UBP1: variants seen among roughly 807,000 people sequenced by gnomAD.
UBP1 encodes the protein upstream-binding protein 1.
In UBP1, 22 loss-of-function variants were observed where a neutral mutation model predicts 76.1. The ratio of observed to expected loss-of-function variants is 0.29; its 90% CI spans 0.21 to 0.41. The LOEUF is 0.41. Among genes scored for constraint, UBP1 ranks in the 10% least tolerant of loss-of-function variants. The pLI is 1.00. For missense variants in UBP1, 436 were observed against 668.1 expected, an observed-to-expected ratio of 0.65 and a Z score of 3.83; for synonymous variants, 224 against 237.1, an observed-to-expected ratio of 0.94 and a Z score of 0.51.
chr3:33,398,991 G>A (rs941926493), intron 11 of UBP1, among the ~76,000 whole-genome samples: 2 of 152,200 alleles, frequency 1.3e-5, no homozygotes, highest in Admixed American at 6.5e-5. Context: ...AGAAGTACAC[G>A]GGGAATAACT....
chr3:33,428,677 TAGAA>T (rs1196275565), intron 1 of UBP1, among the ~76,000 whole-genome samples: 1 of 152,094 alleles, frequency 6.6e-6, no homozygotes, highest in African/African-American at 2.4e-5. Context: ...TTTACTTAAT[TAGAA>T]AGAAAATGCC....
chr3:33,416,701 C>A (rs2044737598), intron 3 of UBP1, 57 bp downstream of exon 3: 2 of 1,331,414 alleles, frequency 1.5e-6, no homozygotes, highest in African/African-American at 1.5e-5. Flanking sequence ...TTTTTTTAAA[C>A]AAAAACTCAT....
chr3:33,410,438 G>A (rs1480481397), intron 5 of UBP1, among the ~76,000 whole-genome samples: 2 of 152,192 alleles, frequency 1.3e-5, no homozygotes, highest in African/African-American at 4.8e-5. Flanking sequence ...CCAACAGTAT[G>A]AGTTTACATC....
intron 1 of UBP1, 130 bp downstream of exon 1, chr3:33,439,606 G>T: frequency 1.0e-6 from 1 of 972,914 alleles, no homozygotes; most frequent in Non-Finnish European, 1.5e-6. Context: ...CCGCCACGCG[G>T]CAGGACTCCG....
chr3:33,411,785 G>A (rs1483627051), intron 4 of UBP1, 98 bp from the exon 5 acceptor site: 1 of 943,376 alleles, frequency 1.1e-6, no homozygotes, highest in Non-Finnish European at 1.7e-6. Context: ...AACTGTAACT[G>A]CTTTGAACTC....
In UBP1 at chr3:33,422,911, A is replaced by T. The variant is rs916087907; in HGVS notation, c.265+2679T>A. Among the ~76,000 whole-genome samples, 11 of 152,226 alleles carry T rather than the reference A, an allele frequency of 7.2e-5. 1 individual carries two copies. The highest frequency in any genetic ancestry group is 5.2e-4 in the Admixed American group (8 of 15,278). On this transcript the variant is annotated intron_variant, in intron 2 of 15. Coordinates refer to ENST00000283629, the MANE Select transcript of UBP1 (RefSeq NM_014517.5). ...CTTTTTGTCAAGATGATAAATGCTA[A>T]GATACAGTCTGTGCAAAGCACAACA...
In UBP1 at chr3:33,390,385, G is replaced by C. The variant is rs374522223; in HGVS notation, c.1586-17C>G. On this transcript the variant is annotated splice_polypyrimidine_tract_variant and intron_variant, in intron 15 of 15. Coordinates refer to ENST00000283629, the MANE Select transcript of UBP1 (RefSeq NM_014517.5). ...TACTTTCAGCTGCAGAAAAAGGAAA[G>C]ACAGTATTTCTTCAGTCAGGCTTAG... 1.2e-6 allele frequency: 2 copies of C among 1,614,016 alleles called. No individual in the cohort carries two copies. The highest frequency in any genetic ancestry group is 1.7e-5 in the Admixed American group (1 of 60,002).
rs564584389 is a variant in UBP1, at chr3:33,440,039, T to C, written c.-191A>G. The C allele has an allele frequency of 6.6e-5, 34 of 518,920 alleles. No individual in the cohort carries two copies. The highest frequency in any genetic ancestry group is 4.2e-4 in the East Asian group (12 of 28,308). 32.1% of individuals were successfully genotyped at this position (518,920 alleles called of 1,614,324 possible). ...AGGGCACGACGAGCCCAGCGAGCAA[T>C]TGCAGCGGGAGCGGCCGGGCCGCCG... On this transcript the variant is annotated 5_prime_UTR_variant, in exon 1 of 16. Transcript: ENST00000283629.
At chr3:33,423,217 TC>T (rs2044947557) in intron 2 of UBP1, among the ~76,000 whole-genome samples, 1 of 152,060 alleles carries the variant, frequency 6.6e-6, no homozygotes, top group Admixed American at 6.6e-5. Context: ...TTTTTGTATT[TC>T]TAGTAGAGAC....
intron 1 of UBP1, among the ~76,000 whole-genome samples, chr3:33,428,499 A>G (rs1479646830): frequency 6.6e-6 from 1 of 152,132 alleles, no homozygotes; most frequent in African/African-American, 2.4e-5. Flanking sequence ...CATATGGAAG[A>G]CAATTTTATA....
Position 33,411,508 on chromosome 3 carries a change from G to A in UBP1, c.555+73C>T, listed in dbSNP as rs572448738. ...ATAGACATTTAAAGGAAATGATACT[G>A]TATCAAAAATTCAATCCTACCATGA... is the stretch of plus-strand genomic sequence containing the variant. On this transcript the variant is annotated intron_variant, in intron 5 of 15. Coordinates refer to ENST00000283629, the MANE Select transcript of UBP1 (RefSeq NM_014517.5). The A allele has an allele frequency of 2.2e-5, 27 of 1,242,448 alleles. No homozygotes were observed. In the East Asian group the frequency reaches 5.1e-4, roughly 24 times the overall value. The allele number at this position is 1,242,448 out of a possible 1,614,324, so 77.0% of individuals were successfully genotyped here. A position where few individuals can be genotyped will look rare whatever the true frequency, so the allele number is the denominator to read the frequency against.
chr3:33,392,304 G>A (rs536716119), intron 15 of UBP1: 32 of 365,278 alleles, frequency 8.8e-5, no homozygotes, highest in Non-Finnish European at 1.1e-4. Context: ...ACAGAAGCAC[G>A]GTGTCTGACA....
chr3:33,408,364 AAGG>A (rs1238597381), intron 8 of UBP1, among the ~76,000 whole-genome samples: 2 of 152,106 alleles, frequency 1.3e-5, no homozygotes, highest in East Asian at 3.8e-4. Flanking sequence ...AGTGCTCTTG[AAGG>A]AGGTGTGTGT....
intron 1 of UBP1, among the ~76,000 whole-genome samples, chr3:33,439,224 C>T (rs539943760): frequency 6.6e-6 from 1 of 152,310 alleles, no homozygotes; most frequent in Admixed American, 6.5e-5. Context: ...AAAACGAAGT[C>T]ACAGTGCTAC....
At chr3:33,392,724 C>T (rs2043818186) in intron 14 of UBP1, 110 bp from the exon 15 acceptor site, 3 of 997,350 alleles carry the variant, frequency 3.0e-6, no homozygotes, top group Non-Finnish European at 4.4e-6. Context: ...ACTCAATGGC[C>T]AAAACGATAA....
In UBP1 at chr3:33,440,106, C is replaced by A; in HGVS notation, c.-258G>T. 1 of 323,866 alleles carries A rather than the reference C, an allele frequency of 3.1e-6. No homozygotes were observed. The highest frequency in any genetic ancestry group is 5.6e-6 in the Non-Finnish European group (1 of 179,032). 20.1% of individuals were successfully genotyped at this position (323,866 alleles called of 1,614,324 possible). ...GCGGACACCGGCCCTGCGCCTCATG[C>A]CGGCGCCGCCGCCCAGCCCCCGCGC... On this transcript the variant is annotated 5_prime_UTR_variant, in exon 1 of 16. Transcript: ENST00000283629.
intron 4 of UBP1, among the ~76,000 whole-genome samples, chr3:33,412,387 G>A (rs1402400123): frequency 6.6e-6 from 1 of 151,772 alleles, no homozygotes; most frequent in Non-Finnish European, 1.5e-5. Context: ...ATATATGTAT[G>A]TGTGTGCGTA....
chr3:33,439,897 C>T lies in UBP1; in HGVS notation c.-49G>A. On this transcript the variant is annotated 5_prime_UTR_variant, in exon 1 of 16. Transcript: ENST00000283629. ...CACACCGCGGCCTCCGCGTCCAGGG[C>T]GAAGGAGCCGGAGCTCCGCTGGCGC... The T allele has an allele frequency of 1.9e-6, 3 of 1,602,054 alleles. No homozygotes were observed. In the Middle Eastern group the frequency reaches 5.1e-4, roughly 272 times the overall value.
chr3:33,432,996 G>A (rs1000551629), intron 1 of UBP1, among the ~76,000 whole-genome samples: 1 of 151,752 alleles, frequency 6.6e-6, no homozygotes, highest in African/African-American at 2.4e-5. Flanking sequence ...ACATGAATGA[G>A]TAATAACTAG....
Sources: allele counts gnomAD v4.1 joint callset (sites outside exome capture counted in the v4.1 genomes callset), GRCh38; gene constraint gnomAD v4.1.1; transcripts MANE v1.5; gene names NCBI Gene and HGNC (gene_info 2026-07-23, HGNC 2026-07-21).